Variants in ATP2B2 observed in about 807,000 individuals in gnomAD.
ATP2B2 encodes plasma membrane calcium-transporting ATPase 2.
ATP2B2 carries 15 observed loss-of-function variants against 120.0 expected under a neutral mutation model. That is an observed-to-expected ratio of 0.12 (90% CI 0.08 to 0.19). ATP2B2 has a LOEUF of 0.19. Among genes scored for constraint, ATP2B2 ranks in the 10% least tolerant of loss-of-function variants. The pLI is 1.00. For missense variants in ATP2B2, 1,045 were observed against 1,719.8 expected (o/e 0.61, Z 6.94); for synonymous variants, 694 against 700.3 (o/e 0.99, Z 0.14).
At chr3:10,604,136 G>A (rs1047242145) in intron 2 of ATP2B2, among the ~76,000 whole-genome samples, 4 of 152,042 alleles carry the variant, frequency 2.6e-5, no homozygotes, top group Admixed American at 6.5e-5. Context: ...GAGCTGGCAG[G>A]CACCTTGGCC....
At chr3:10,432,400 G>C (rs187264469) in intron 2 of ATP2B2, among the ~76,000 whole-genome samples, 18 of 152,344 alleles carry the variant, frequency 1.2e-4, no homozygotes, top group Admixed American at 9.8e-4. Flanking sequence ...AGACAATTTA[G>C]GAAAGCCCTG....
At chr3:10,676,051 C>T (rs145490428) in intron 1 of ATP2B2, among the ~76,000 whole-genome samples, 21 of 152,246 alleles carry the variant, frequency 1.4e-4, no homozygotes, top group Middle Eastern at 3.4e-3. Context: ...CTGTCTCTTC[C>T]ACTGCTTCCA....
intron 1 of ATP2B2, among the ~76,000 whole-genome samples, chr3:10,452,813 A>G (rs2064110429): frequency 6.6e-6 from 1 of 152,222 alleles, no homozygotes; most frequent in Non-Finnish European, 1.5e-5. Context: ...CCTTCTGTCC[A>G]GAAGGAACTT....
chr3:10,598,509 G>A (rs1369663479), intron 2 of ATP2B2, among the ~76,000 whole-genome samples: 1 of 152,152 alleles, frequency 6.6e-6, no homozygotes, highest in Non-Finnish European at 1.5e-5. Flanking sequence ...TGGCTTCTAC[G>A]CCTCCCAACC....
Position 10,402,446 on chromosome 3 carries a change from T to C in ATP2B2, c.398-98A>G. On this transcript the variant is annotated intron_variant, in intron 3 of 22. Coordinates refer to ENST00000360273, the MANE Select transcript of ATP2B2 (RefSeq NM_001001331.4). The surrounding 1 kb of genome is among the most constrained non-coding windows in gnomAD (Gnocchi z 4.9). ...GCTCAGCTCTGCAAAGTAACAAGTG[T>C]TAAGAATCAGATGATAATTATCCAC... is the stretch of plus-strand genomic sequence containing the variant. 6.5e-7 allele frequency: 1 copy of C among 1,538,438 alleles called. No homozygotes were observed. Among genetic ancestry groups the C allele is most frequent in the Non-Finnish European group, 8.9e-7 (1 of 1,124,358 alleles).
chr3:10,517,717 G>A (rs556631554), intron 3 of ATP2B2, among the ~76,000 whole-genome samples: 1 of 152,318 alleles, frequency 6.6e-6, no homozygotes, highest in African/African-American at 2.4e-5. Context: ...TACATGGGGA[G>A]GTGACTGAGC....
chr3:10,553,098 A>T (rs1182816291), intron 2 of ATP2B2, among the ~76,000 whole-genome samples: 3 of 152,246 alleles, frequency 2.0e-5, no homozygotes. Flanking sequence ...GGGTTAAATG[A>T]GGGAACATAA....
At chr3:10,661,038 A>T (rs543238359) in intron 1 of ATP2B2, among the ~76,000 whole-genome samples, 2 of 152,334 alleles carry the variant, frequency 1.3e-5, no homozygotes, top group East Asian at 3.9e-4. Flanking sequence ...CCTTTGACAC[A>T]ATTCAACAGC....
intron 2 of ATP2B2, among the ~76,000 whole-genome samples, chr3:10,616,396 C>T (rs1559488491): frequency 6.6e-6 from 1 of 152,146 alleles, no homozygotes; most frequent in African/African-American, 2.4e-5. Context: ...AGGAAACCAG[C>T]CCTGCCAACA....
chr3:10,477,923 G>A (rs139269583), intron 1 of ATP2B2, among the ~76,000 whole-genome samples: 106 of 152,282 alleles, frequency 7.0e-4, no homozygotes, highest in East Asian at 5.4e-3. Context: ...TTGCTGGATC[G>A]TGGAATAATT....
intron 2 of ATP2B2, among the ~76,000 whole-genome samples, chr3:10,431,826 G>C (rs529459432): frequency 8.5e-5 from 13 of 152,178 alleles, no homozygotes; most frequent in Non-Finnish European, 1.8e-4. Flanking sequence ...TTCATTTTAG[G>C]TTTTGCTTTT....
At chr3:10,531,480 T>C (rs1249599076) in intron 3 of ATP2B2, among the ~76,000 whole-genome samples, 1 of 152,226 alleles carries the variant, frequency 6.6e-6, no homozygotes, top group Non-Finnish European at 1.5e-5. Flanking sequence ...GGGATAAGAA[T>C]GGTCATGCCT....
In ATP2B2 at chr3:10,634,636, T is replaced by C. The variant is rs114580981; in HGVS notation, c.-459-14675A>G. On this transcript the variant is annotated intron_variant, in intron 1 of 21. Transcript: ENST00000646379. ...CCACATCTTTGGGAGCCTCCAGTCATAGGCTTTGAGGGCTGAGCCCAGTAC... is the reference window on the plus strand; with the variant it reads ...CCACATCTTTGGGAGCCTCCAGTCACAGGCTTTGAGGGCTGAGCCCAGTAC... Among the ~76,000 whole-genome samples, 962 of 152,332 alleles carry C rather than the reference T, an allele frequency of 6.3e-3. 10 individuals carry two copies. The highest frequency in any genetic ancestry group is 0.022 in the African/African-American group (912 of 41,568).
At chr3:10,578,460 T>C (rs1422799709) in intron 2 of ATP2B2, among the ~76,000 whole-genome samples, 1 of 151,644 alleles carries the variant, frequency 6.6e-6, no homozygotes, top group African/African-American at 2.4e-5. Flanking sequence ...GGCAGGAGAA[T>C]TGCTTGAACC....
intron 1 of ATP2B2, among the ~76,000 whole-genome samples, chr3:10,680,668 T>C (rs1253792359): frequency 3.3e-5 from 5 of 152,198 alleles, no homozygotes; most frequent in Admixed American, 2.6e-4. Flanking sequence ...TGGTGGTTAC[T>C]GATCCTCTCA....
At chr3:10,642,626 A>G (rs1286398706) in intron 1 of ATP2B2, among the ~76,000 whole-genome samples, 1 of 152,118 alleles carries the variant, frequency 6.6e-6, no homozygotes, top group Non-Finnish European at 1.5e-5. Flanking sequence ...TTTAAAAAAC[A>G]CATGATTTTT....
At chr3:10,525,463 T>A (rs1559439463) in intron 3 of ATP2B2, among the ~76,000 whole-genome samples, 1 of 152,236 alleles carries the variant, frequency 6.6e-6, no homozygotes, top group East Asian at 1.9e-4. Flanking sequence ...ATTATTCACA[T>A]CTTCTATTAG....
intron 1 of ATP2B2, among the ~76,000 whole-genome samples, chr3:10,470,185 G>C (rs1347571734): frequency 6.6e-6 from 1 of 152,178 alleles, no homozygotes; most frequent in Non-Finnish European, 1.5e-5. Context: ...AGAAATAGCA[G>C]TTCGGAAAGT....
chr3:10,505,802 G>GT (rs1000773503), upstream of ATP2B2: 3 of 148,350 alleles, frequency 2.0e-5, no homozygotes, highest in African/African-American at 7.5e-5. Context: ...GGGGGCGGGG[G>GT]GGGTGTGTGG....
Sources: allele counts gnomAD v4.1 joint callset (sites outside exome capture counted in the v4.1 genomes callset), GRCh38; gene constraint gnomAD v4.1.1; non-coding constraint Gnocchi (gnomAD v3.1); transcripts MANE v1.5; gene names NCBI Gene and HGNC (gene_info 2026-07-23, HGNC 2026-07-21).